Variants in CHD2 observed in about 807,000 individuals in gnomAD.
CHD2 encodes the protein ATP-dependent chromatin remodeler CHD2.
In CHD2, 28 loss-of-function variants were observed where a neutral mutation model predicts 243.9. That is an observed-to-expected ratio of 0.11 (90% CI 0.09 to 0.16). The LOEUF (loss-of-function observed/expected upper bound fraction) is 0.16. Among genes scored for constraint, CHD2 ranks in the 10% least tolerant of loss-of-function variants. The probability of loss-of-function intolerance (pLI) is 1.00; values close to 1 mark genes in which losing one functional copy is unlikely to be tolerated. For missense variants in CHD2, 1,386 were observed against 2,209.8 expected, an observed-to-expected ratio of 0.63 and a Z score of 7.47; for synonymous variants, 775 against 779.0, an observed-to-expected ratio of 0.99 and a Z score of 0.09.
intron 2 of CHD2, among the ~76,000 whole-genome samples, chr15:92,911,309 T>G (rs568139554): frequency 6.6e-6 from 1 of 152,216 alleles, no homozygotes; most frequent in Non-Finnish European, 1.5e-5. Flanking sequence ...GAGGTACATA[T>G]GCTTATCGCT....
chr15:92,922,664 T>A (rs918173064), intron 2 of CHD2, among the ~76,000 whole-genome samples: 2 of 152,218 alleles, frequency 1.3e-5, no homozygotes, highest in Non-Finnish European at 2.9e-5. Flanking sequence ...CAGGGACTTT[T>A]CTGTTAATGT....
At chr15:92,912,297 TAGC>T (rs2052750827) in intron 2 of CHD2, among the ~76,000 whole-genome samples, 1 of 152,150 alleles carries the variant, frequency 6.6e-6, no homozygotes, top group Non-Finnish European at 1.5e-5. Context: ...GTCTGTGGCA[TAGC>T]TAGGCTTGAG....
At chr15:92,939,507 A>G in intron 6 of CHD2, 71 bp from the exon 7 acceptor site, 2 of 1,500,834 alleles carry the variant, frequency 1.3e-6, no homozygotes, top group Non-Finnish European at 1.8e-6. Context: ...GCTCTGGGAA[A>G]TACTGTTATA....
rs1006801815 is a variant in CHD2, at chr15:93,024,522, T to A, written c.5304T>A (p.Asp1768Glu). 6.2e-7 allele frequency: 1 copy of A among 1,614,062 alleles called. No individual in the cohort carries two copies. The highest frequency in any genetic ancestry group is 1.3e-5 in the African/African-American group (1 of 74,922). The change falls in exon 39 of 39, where the codon GAT becomes GAA. Residue 1768 changes from aspartate to glutamate, a missense_variant. Physicochemically the swap from Asp to Glu is conservative, Grantham distance 45. This residue lies in a region of CHD2 where 347 missense variants were observed against 341.6 expected (regional missense o/e 1.02). Transcript: ENST00000394196. Reference sequence around the variant, plus strand: ...ACCATTACCGCTCTTTCCACACAGATAAACTGGGGGAATATAAACAGCCTC... The same window carrying A: ...ACCATTACCGCTCTTTCCACACAGAAAAACTGGGGGAATATAAACAGCCTC... ...PSDHYRSFHT[D>E]KLGEYKQPLP...
At chr15:93,020,319 A>T in intron 38 of CHD2, 61 bp downstream of exon 38, 2 of 1,596,070 alleles carry the variant, frequency 1.3e-6, no homozygotes, top group Non-Finnish European at 1.7e-6. Context: ...TTCTAGGGAG[A>T]AAGTGACGTA....
At chr15:92,908,419 C>G (rs1364455199) in intron 2 of CHD2, among the ~76,000 whole-genome samples, 1 of 152,118 alleles carries the variant, frequency 6.6e-6, no homozygotes, top group East Asian at 1.9e-4. Flanking sequence ...TCCTCTACTT[C>G]CTCTATTTCC....
rs1284204551 is a variant in CHD2, at chr15:92,998,358, G to C, written c.3886-141G>C. The C allele has an allele frequency of 2.5e-5, 36 of 1,413,760 alleles. No individual in the cohort carries two copies. The highest frequency in any genetic ancestry group is 4.6e-5 in the Admixed American group (2 of 43,226). 87.6% of individuals were successfully genotyped at this position (1,413,760 alleles called of 1,614,324 possible). On this transcript the variant is annotated intron_variant, in intron 30 of 38. Coordinates refer to ENST00000394196, the MANE Select transcript of CHD2 (RefSeq NM_001271.4). The surrounding 1 kb of genome is among the most constrained non-coding windows in gnomAD (Gnocchi z 5.1). ...CAGTGACTGGGAGCCATGGACATGA[G>C]ATAGGATCTGAGGCTTTATCTATAT...
In CHD2 at chr15:93,014,693, T is replaced by C. The variant is rs967867731; in HGVS notation, c.4693-3T>C. On this transcript the variant is annotated splice_polypyrimidine_tract_variant and splice_region_variant and intron_variant, in intron 36 of 38. Coordinates refer to ENST00000394196, the MANE Select transcript of CHD2 (RefSeq NM_001271.4). Reference sequence around the variant, plus strand: ...GCTTCTTTGGTTTCCTTTTACTCTTTAGGAGCAAAAGAAGAAAGACGACGT... The same window carrying C: ...GCTTCTTTGGTTTCCTTTTACTCTTCAGGAGCAAAAGAAGAAAGACGACGT... 9 of 1,613,280 alleles carry C rather than the reference T, an allele frequency of 5.6e-6. No homozygotes were observed. Among genetic ancestry groups the C allele is most frequent in the African/African-American group, 5.3e-5 (4 of 74,822 alleles).
At chr15:92,994,594 G>T (rs1341382062) in intron 28 of CHD2, among the ~76,000 whole-genome samples, 1 of 152,072 alleles carries the variant, frequency 6.6e-6, no homozygotes, top group Non-Finnish European at 1.5e-5. Flanking sequence ...TAAACTTTAG[G>T]TTTAATGTAC....
chr15:92,909,867 T>C (rs866460972), intron 2 of CHD2, among the ~76,000 whole-genome samples: 1 of 152,078 alleles, frequency 6.6e-6, no homozygotes, highest in Admixed American at 6.6e-5. Context: ...GAACATTTTG[T>C]AGAAAAATAC....
Position 92,906,639 on chromosome 15 carries a change from T to G in CHD2, c.62+5340T>G, listed in dbSNP as rs567391560. Among the ~76,000 whole-genome samples, 5 of 150,816 alleles carry G rather than the reference T, an allele frequency of 3.3e-5. No individual in the cohort carries two copies. The South Asian group carries it at 8.4e-4, about 25-fold the overall frequency. ...TGAGTGACTGCTCTGTGTCAGCCATTAAATTTTTTCTTGCTATGAGCCATC... is the reference window on the plus strand; with the variant it reads ...TGAGTGACTGCTCTGTGTCAGCCATGAAATTTTTTCTTGCTATGAGCCATC... On this transcript the variant is annotated intron_variant, in intron 2 of 38. Transcript: ENST00000394196.
chr15:92,994,524 G>C (rs953719455), intron 28 of CHD2, among the ~76,000 whole-genome samples: 5 of 152,050 alleles, frequency 3.3e-5, no homozygotes, highest in East Asian at 1.9e-4. Context: ...CAAATAACTT[G>C]TATGGTTTGC....
At chr15:93,008,723 A>G (rs2054353673) in intron 34 of CHD2, among the ~76,000 whole-genome samples, 1 of 152,114 alleles carries the variant, frequency 6.6e-6, no homozygotes, top group East Asian at 1.9e-4. Flanking sequence ...TCTTATCTGG[A>G]AGCCTTTCTC....
At chr15:93,002,012 T>C (rs2054263322) in intron 32 of CHD2, among the ~76,000 whole-genome samples, 165 bp from the exon 33 acceptor site, 1 of 152,234 alleles carries the variant, frequency 6.6e-6, no homozygotes, top group Non-Finnish European at 1.5e-5. Flanking sequence ...TGGTTATTAC[T>C]GGAAAGTTTA....
intron 17 of CHD2, among the ~76,000 whole-genome samples, chr15:92,971,559 T>C (rs2053842074): frequency 6.6e-6 from 1 of 152,164 alleles, no homozygotes; most frequent in Non-Finnish European, 1.5e-5. Context: ...TCCAGCAGAA[T>C]CTTTAACATT....
intron 13 of CHD2, 95 bp downstream of exon 13, chr15:92,949,171 A>T: frequency 3.2e-6 from 5 of 1,560,084 alleles, no homozygotes; most frequent in Non-Finnish European, 4.3e-6. Context: ...TCACACCCTT[A>T]TTGTATCTCA....
At chr15:92,953,210 C>A in intron 13 of CHD2, 147 bp from the exon 14 acceptor site, 1 of 641,470 alleles carries the variant, frequency 1.6e-6, no homozygotes, top group Non-Finnish European at 2.7e-6. Flanking sequence ...GAAGTAATTG[C>A]AGATGAGAAG....
chr15:92,967,259 C>T, intron 16 of CHD2, 66 bp from the exon 17 acceptor site: 1 of 1,134,736 alleles, frequency 8.8e-7, no homozygotes, highest in Non-Finnish European at 1.2e-6. Context: ...CATTTTTTTA[C>T]AGTTTTTTTT....
intron 36 of CHD2, 31 bp from the exon 37 acceptor site, chr15:93,014,665 T>G: frequency 2.5e-4 from 404 of 1,587,956 alleles, no homozygotes; most frequent in Non-Finnish European, 3.1e-4. Flanking sequence ...CCTGGGATCT[T>G]GAGCTTCTTT....
Sources: gnomAD v4.1 joint callset for allele counts (sites outside exome capture counted in the v4.1 genomes callset) on GRCh38, gnomAD v4.1.1 for gene constraint, gnomAD v4.1.1 regional missense constraint, Gnocchi (gnomAD v3.1) non-coding constraint, MANE v1.5 for transcripts, NCBI Gene and HGNC (gene_info 2026-07-23, HGNC 2026-07-21) for gene names.